The following AGBL4 variants were observed in gnomAD, a reference collection of about 807,000 sequenced individuals.
AGBL4 encodes AGBL carboxypeptidase 4.
A neutral mutation model predicts 66.4 loss-of-function variants in AGBL4; 58 were observed. The ratio of observed to expected loss-of-function variants is 0.87; its 90% confidence interval spans 0.71 to 1.09. AGBL4 has a LOEUF of 1.09. Among genes scored for constraint, AGBL4 ranks in the 50% least tolerant of loss-of-function variants. AGBL4 has a pLI of 0.00. For synonymous variants in AGBL4, 234 were observed against 222.9 expected, an observed-to-expected ratio of 1.05 and a Z score of -0.44; for missense variants, 579 against 631.0, an observed-to-expected ratio of 0.92 and a Z score of 0.88.
At chr1:49,218,644 A>T (rs1460351750) in intron 4 of AGBL4, among the ~76,000 whole-genome samples, 2 of 152,130 alleles carry the variant, frequency 1.3e-5, no homozygotes, top group African/African-American at 4.8e-5. Flanking sequence ...TAAAATGATT[A>T]TTCAAAAATA....
intron 4 of AGBL4, among the ~76,000 whole-genome samples, chr1:49,182,365 G>A (rs1309646577): frequency 6.6e-6 from 1 of 152,198 alleles, no homozygotes; most frequent in Non-Finnish European, 1.5e-5. Context: ...ACCTACCACA[G>A]GGTAAGTGCT....
intron 9 of AGBL4, among the ~76,000 whole-genome samples, chr1:48,628,318 T>C (rs1414065624): frequency 6.6e-6 from 1 of 152,176 alleles, no homozygotes; most frequent in Non-Finnish European, 1.5e-5. Context: ...ATGCTATTCA[T>C]TGATCTCTCT....
chr1:49,837,823 C>T (rs780825107), intron 2 of AGBL4, among the ~76,000 whole-genome samples: 21 of 152,020 alleles, frequency 1.4e-4, no homozygotes, highest in African/African-American at 4.3e-4. Context: ...CCAGCCTGGG[C>T]GACAGAGTAA....
intron 2 of AGBL4, among the ~76,000 whole-genome samples, chr1:49,778,839 A>C (rs1310390989): frequency 6.6e-6 from 1 of 152,226 alleles, no homozygotes; most frequent in African/African-American, 2.4e-5. Flanking sequence ...GCAAGGGTTG[A>C]AAACTAACAC....
chr1:49,687,781 AT>A (rs779771740), intron 3 of AGBL4, among the ~76,000 whole-genome samples: 3 of 152,092 alleles, frequency 2.0e-5, no homozygotes, highest in Non-Finnish European at 4.4e-5. Context: ...TCTAAAAAAA[AT>A]AAAAAAAAAA....
intron 11 of AGBL4, among the ~76,000 whole-genome samples, chr1:48,571,376 T>C (rs1220781860): frequency 6.6e-6 from 1 of 152,260 alleles, no homozygotes; most frequent in African/African-American, 2.4e-5. Flanking sequence ...GGCTGAAAGA[T>C]GTGATAGTCT....
chr1:48,859,355 G>A (rs1647294120), intron 6 of AGBL4, among the ~76,000 whole-genome samples: 1 of 152,186 alleles, frequency 6.6e-6, no homozygotes, highest in Non-Finnish European at 1.5e-5. Flanking sequence ...CTTTGTCCCT[G>A]AGAAGTATAA....
At chr1:49,797,736 C>G (rs1378850423) in intron 2 of AGBL4, among the ~76,000 whole-genome samples, 6 of 152,044 alleles carry the variant, frequency 3.9e-5, no homozygotes, top group Non-Finnish European at 7.4e-5. Context: ...TGAGTCACTG[C>G]GCAGCACAGC....
At chr1:49,480,481 GTTGT>G (rs1646933860) in intron 3 of AGBL4, among the ~76,000 whole-genome samples, 1 of 151,314 alleles carries the variant, frequency 6.6e-6, no homozygotes. Context: ...TTTTAATGGA[GTTGT>G]TTTTTTTTTC....
chr1:49,051,461 C>G (rs1380339914), intron 4 of AGBL4, among the ~76,000 whole-genome samples: 1 of 152,128 alleles, frequency 6.6e-6, no homozygotes, highest in African/African-American at 2.4e-5. Flanking sequence ...GGGCTGAAAG[C>G]AAACTGGCAT....
chr1:49,692,107 G>C (rs1646899708), intron 3 of AGBL4, among the ~76,000 whole-genome samples: 2 of 152,112 alleles, frequency 1.3e-5, no homozygotes, highest in African/African-American at 4.8e-5. Flanking sequence ...ATCAAGATGA[G>C]CTTTGGGTGG....
intron 3 of AGBL4, among the ~76,000 whole-genome samples, chr1:49,326,338 A>G (rs1024713411): frequency 2.0e-4 from 30 of 152,152 alleles, no homozygotes; most frequent in African/African-American, 6.5e-4. Flanking sequence ...GAAAGGTCAT[A>G]CCTATTTTAC....
chr1:48,686,689 T>C (rs561902149), intron 6 of AGBL4, among the ~76,000 whole-genome samples: 3 of 152,164 alleles, frequency 2.0e-5, no homozygotes, highest in Non-Finnish European at 4.4e-5. Context: ...CTTTCGGCCA[T>C]GCACAGTTTG....
chr1:49,342,163 T>A (rs1645553439), intron 3 of AGBL4, among the ~76,000 whole-genome samples: 1 of 152,110 alleles, frequency 6.6e-6, no homozygotes, highest in Admixed American at 6.6e-5. Flanking sequence ...CCACTCTCCC[T>A]CTCTGATGCC....
chr1:49,786,001 T>C (rs1426373768), intron 2 of AGBL4, among the ~76,000 whole-genome samples: 1 of 151,682 alleles, frequency 6.6e-6, no homozygotes, highest in African/African-American at 2.4e-5. Context: ...TCAGTGACAT[T>C]GTCAAATATG....
intron 6 of AGBL4, among the ~76,000 whole-genome samples, chr1:48,772,127 G>A (rs1022162321): frequency 6.6e-6 from 1 of 152,214 alleles, no homozygotes; most frequent in Non-Finnish European, 1.5e-5. Flanking sequence ...GCAGGCACAA[G>A]GAAGCCAGGC....
At chr1:49,365,168 T>G (rs150946198) in intron 3 of AGBL4, among the ~76,000 whole-genome samples, 11 of 152,294 alleles carry the variant, frequency 7.2e-5, no homozygotes, top group African/African-American at 2.6e-4. Context: ...ACACAAAGAT[T>G]TATTTTTCTA....
At chr1:49,734,835 C>A (rs1362333444) in intron 2 of AGBL4, among the ~76,000 whole-genome samples, 1 of 147,484 alleles carries the variant, frequency 6.8e-6, no homozygotes, top group African/African-American at 2.4e-5. Context: ...TAATAATAAT[C>A]ATGGGAAACT....
intron 1 of AGBL4, among the ~76,000 whole-genome samples, chr1:49,930,867 A>G (rs1200739646): frequency 3.9e-5 from 6 of 152,320 alleles, no homozygotes; most frequent in Non-Finnish European, 8.8e-5. Context: ...ATCTACATCA[A>G]CCATTTGTAT....
Sources: gnomAD v4.1 joint callset for allele counts (sites outside exome capture counted in the v4.1 genomes callset) on GRCh38, gnomAD v4.1.1 for gene constraint, MANE v1.5 for transcripts, NCBI Gene and HGNC (gene_info 2026-07-23, HGNC 2026-07-21) for gene names.